The following ST7 variants were observed in gnomAD, a reference collection of about 807,000 sequenced individuals.
ST7 encodes the protein suppression of tumorigenicity 7.
Under a neutral mutation model 78.7 loss-of-function variants are expected in ST7, and 28 were observed. That is an observed-to-expected ratio of 0.36 (90% CI 0.26 to 0.49). The LOEUF (loss-of-function observed/expected upper bound fraction) is 0.49. Among genes scored for constraint, ST7 ranks in the 20% least tolerant of loss-of-function variants. The probability of loss-of-function intolerance (pLI) is 0.99; values close to 1 mark genes in which losing one functional copy is unlikely to be tolerated. For missense variants in ST7, 418 were observed against 696.0 expected (o/e 0.60, Z 4.49); for synonymous variants, 247 against 249.6 (o/e 0.99, Z 0.10).
chr7:117,115,480 G>A (rs1032932901), intron 2 of ST7, among the ~76,000 whole-genome samples: 1 of 150,950 alleles, frequency 6.6e-6, no homozygotes, highest in African/African-American at 2.4e-5. Context: ...TCAGCCACCC[G>A]AGTAGCTGGG....
intron 1 of ST7, among the ~76,000 whole-genome samples, chr7:117,038,624 G>A (rs1344176140): frequency 6.6e-6 from 1 of 152,188 alleles, no homozygotes; most frequent in East Asian, 1.9e-4. Context: ...TATATGCTTA[G>A]TACAGTGCTC....
rs183209422 is a variant in ST7 at position 117,143,045 on chromosome 7, A to T, written c.963+4513A>T. 6.2e-4 allele frequency among the ~76,000 whole-genome samples: 95 copies of T among 152,166 alleles called. 2 individuals are homozygous for T. The highest frequency in any genetic ancestry group is 1.9e-4 in the East Asian group (1 of 5,164). ...TTTGCCCAAATGAGATTCCCTGAAG[A>T]TCCATCCCAGGGCAGGAAGAGTAAA... On this transcript the variant is annotated intron_variant, in intron 9 of 15. Coordinates refer to ENST00000323984, the MANE Select transcript of ST7 (RefSeq NM_001369598.1).
chr7:117,078,208 C>G (rs1799496704), intron 1 of ST7, among the ~76,000 whole-genome samples: 1 of 152,190 alleles, frequency 6.6e-6, no homozygotes, highest in South Asian at 2.1e-4. Context: ...ATAGGTGCAG[C>G]CATGTTCATG....
intron 1 of ST7, among the ~76,000 whole-genome samples, chr7:117,087,161 A>G (rs1800215661): frequency 6.6e-6 from 1 of 152,236 alleles, no homozygotes; most frequent in East Asian, 1.9e-4. Flanking sequence ...TTACTACCCC[A>G]TGGCCTGTAG....
chr7:117,191,775 T>C (rs1047493317), intron 12 of ST7: 4 of 152,172 alleles, frequency 2.6e-5, no homozygotes, highest in African/African-American at 4.8e-5. Flanking sequence ...TGACAAGCCA[T>C]AACTTCCTTG....
intron 2 of ST7, among the ~76,000 whole-genome samples, chr7:117,107,250 G>T (rs1802052959): frequency 6.6e-6 from 1 of 152,012 alleles, no homozygotes; most frequent in Non-Finnish European, 1.5e-5. Context: ...TATCTTTTTT[G>T]TATAGTGACT....
At chr7:117,200,895 A>G (rs1490512399) in intron 12 of ST7, among the ~76,000 whole-genome samples, 1 of 151,688 alleles carries the variant, frequency 6.6e-6, no homozygotes, top group East Asian at 1.9e-4. Flanking sequence ...GGGGATTTCA[A>G]GAGGCTTGTG....
At chr7:117,209,989 A>T (rs1792152837) in intron 13 of ST7, 52 bp downstream of exon 13, 1 of 1,589,616 alleles carries the variant, frequency 6.3e-7, no homozygotes, top group Non-Finnish European at 8.5e-7. Context: ...AAAGGTGCTA[A>T]AATGTTTTTG....
chr7:117,083,105 G>T (rs935335317), intron 1 of ST7, among the ~76,000 whole-genome samples: 2 of 151,786 alleles, frequency 1.3e-5, no homozygotes, highest in South Asian at 4.2e-4. Flanking sequence ...TGTTGCTCAG[G>T]CTGGAGTGCA....
At chr7:117,157,481 C>T (rs1009056028) in intron 9 of ST7, among the ~76,000 whole-genome samples, 4 of 151,640 alleles carry the variant, frequency 2.6e-5, no homozygotes, top group African/African-American at 9.7e-5. Context: ...GTTGGAGTAC[C>T]AACCTTCTGC....
intron 1 of ST7, among the ~76,000 whole-genome samples, chr7:117,023,188 A>G (rs1289913127): frequency 2.6e-5 from 4 of 152,214 alleles, no homozygotes; most frequent in Non-Finnish European, 5.9e-5. Flanking sequence ...CCTGGATATC[A>G]CATTATAATA....
At chr7:117,076,060 A>G (rs1306064950) in intron 1 of ST7, among the ~76,000 whole-genome samples, 2 of 152,238 alleles carry the variant, frequency 1.3e-5, no homozygotes, top group Non-Finnish European at 1.5e-5. Context: ...CTTACCTGCT[A>G]TATAAACTCC....
At chr7:117,117,606 A>G (rs1054447851) in intron 2 of ST7, among the ~76,000 whole-genome samples, 2 of 152,200 alleles carry the variant, frequency 1.3e-5, no homozygotes, top group African/African-American at 4.8e-5. Context: ...GATGATTTAC[A>G]GTACTTTCTA....
Position 116,953,584 on chromosome 7 carries a change from G to T in ST7, c.44G>T (p.Cys15Phe). The change falls in exon 1 of 16, where the codon TGC (cysteine) becomes TTC (phenylalanine). Residue 15 changes from cysteine to phenylalanine, a missense_variant. Transcript: ENST00000323984. ...ATGFLEQLKS[C>F]IVWSWTYLWT... ...GGCTTTCTGGAGCAGCTCAAGTCCT[G>T]CATAGTTTGGTCTTGGACGTATCTG... 6.7e-7 allele frequency: 1 copy of T among 1,488,660 alleles called. No homozygotes were observed. Among genetic ancestry groups the T allele is most frequent in the Non-Finnish European group, 9.1e-7 (1 of 1,104,658 alleles). The allele number at this position is 1,488,660 out of a possible 1,614,324, so 92.2% of individuals were successfully genotyped here.
At chr7:117,168,253 G>C (rs1219708205) in intron 9 of ST7, among the ~76,000 whole-genome samples, 1 of 152,098 alleles carries the variant, frequency 6.6e-6, no homozygotes, top group Admixed American at 6.6e-5. Flanking sequence ...GTTGGAACTG[G>C]GTGAGACCTC....
intron 2 of ST7, among the ~76,000 whole-genome samples, chr7:117,105,035 G>A (rs1001077549): frequency 1.3e-5 from 2 of 152,120 alleles, no homozygotes; most frequent in Non-Finnish European, 2.9e-5. Flanking sequence ...TTTCTTGAGG[G>A]TAATACATGA....
chr7:117,151,523 ACT>A (rs972043601), intron 9 of ST7, among the ~76,000 whole-genome samples: 3 of 151,694 alleles, frequency 2.0e-5, no homozygotes, highest in Admixed American at 6.6e-5. Flanking sequence ...ATGCACAAAC[ACT>A]CATGTGCACA....
rs59396572 is a variant in ST7, at chr7:117,180,130, G to A, written c.1078+9154G>A. The stretch of plus-strand genomic sequence containing the variant: ...ACCACTTTATTTCATTTGCTTCCGG[G>A]TAATCTCTTAACTACAAGAAACTGA... On this transcript the variant is annotated intron_variant, in intron 10 of 15. Transcript: ENST00000323984. Among the ~76,000 whole-genome samples, 344 of 152,182 alleles carry A rather than the reference G, an allele frequency of 2.3e-3. 1 individual carries two copies. The highest frequency in any genetic ancestry group is 8.0e-3 in the African/African-American group (334 of 41,520).
intron 1 of ST7, among the ~76,000 whole-genome samples, chr7:117,032,137 C>T (rs534201314): frequency 1.4e-4 from 21 of 151,972 alleles, no homozygotes; most frequent in African/African-American, 4.6e-4. Flanking sequence ...CCTCCTCGGC[C>T]TCCCAAAGTG....
Sources: allele counts gnomAD v4.1 joint callset (sites outside exome capture counted in the v4.1 genomes callset), GRCh38; gene constraint gnomAD v4.1.1; transcripts MANE v1.5; gene names NCBI Gene and HGNC (gene_info 2026-07-23, HGNC 2026-07-21).